KIN: variants seen among roughly 807,000 people sequenced by gnomAD.
The protein encoded by KIN is DNA/RNA-binding protein KIN17.
KIN carries 47 observed loss-of-function variants against 63.0 expected under a neutral mutation model. The ratio of observed to expected loss-of-function variants is 0.75; its 90% CI spans 0.59 to 0.95. The LOEUF (loss-of-function observed/expected upper bound fraction) is 0.95, where lower values mean the gene tolerates loss of function less well. KIN is among the 40% of genes least tolerant of loss of function. The pLI is 0.00. For missense variants in KIN, 408 were observed against 460.9 expected, an observed-to-expected ratio of 0.89 and a Z score of 1.05; for synonymous variants, 160 against 157.7, an observed-to-expected ratio of 1.01 and a Z score of -0.11.
intron 7 of KIN, among the ~76,000 whole-genome samples, chr10:7,771,192 T>C (rs555100444): frequency 7.8e-4 from 119 of 152,308 alleles, no homozygotes; most frequent in African/African-American, 2.8e-3. Flanking sequence ...TAGATTTAGG[T>C]GTACTTTGAA....
At chr10:7,771,702 G>A (rs1019910918) in intron 7 of KIN, among the ~76,000 whole-genome samples, 2 of 152,010 alleles carry the variant, frequency 1.3e-5, no homozygotes, top group Admixed American at 6.6e-5. Context: ...AGACCAGCCT[G>A]ACCAACATGG....
chr10:7,770,748 T>C (rs546463537), intron 7 of KIN, among the ~76,000 whole-genome samples: 1 of 152,310 alleles, frequency 6.6e-6, no homozygotes, highest in Admixed American at 6.5e-5. Flanking sequence ...CACAAAGCTA[T>C]CATGGAGCTA....
chr10:7,767,032 A>C (rs11594854), intron 8 of KIN, among the ~76,000 whole-genome samples: 50,889 of 147,646 alleles, frequency 0.34, 9,579 homozygotes, highest in Non-Finnish European at 0.43. Flanking sequence ...CAAAAAAAAA[A>C]AAAAAACCTC....
Position 7,783,146 on chromosome 10 carries a change from T to C in KIN, c.144A>G (p.Glu48=). The change falls in exon 2 of 13, where the codon GAA becomes GAG. Residue 48 remains glutamate, a synonymous_variant. Coordinates refer to ENST00000379562, the MANE Select transcript of KIN (RefSeq NM_012311.4). ...ENGFKCHCMS[E]SHQRQLLLAS... is the part of the protein sequence containing the mutation. ...CCAGCAATAGTTGTCTCTGATGAGA[T>C]TCGGACATACAATGACACTTAAAGC... 1 of 1,599,694 alleles carries C rather than the reference T, an allele frequency of 6.3e-7. No individual in the cohort carries two copies. Among genetic ancestry groups the C allele is most frequent in the Non-Finnish European group, 8.5e-7 (1 of 1,173,146 alleles).
rs1232557227 is a variant in KIN, at chr10:7,754,056, G to A, written c.*2024C>T. ...TGTAGAAGATCAACTCAGGCAAGGC[G>A]TGGTAGCTCACACCTGTAATCACAA... On this transcript the variant is annotated 3_prime_UTR_variant, in exon 13 of 13. Transcript: ENST00000379562. The A allele has an allele frequency of 1.8e-5, 8 of 455,880 alleles. No homozygotes were observed. The highest frequency in any genetic ancestry group is 1.4e-4 in the East Asian group (2 of 14,404). The allele number at this position is 455,880 out of a possible 1,614,324, so 28.2% of individuals were successfully genotyped here. A position where few individuals can be genotyped will look rare whatever the true frequency, so the allele number is the denominator to read the frequency against.
chr10:7,757,912 A>C (rs1835363215), intron 12 of KIN, among the ~76,000 whole-genome samples: 1 of 152,144 alleles, frequency 6.6e-6, no homozygotes, highest in African/African-American at 2.4e-5. Flanking sequence ...TATATGTATA[A>C]ATTTCAAATA....
chr10:7,770,954 A>G (rs1835655068), intron 7 of KIN, among the ~76,000 whole-genome samples: 1 of 152,108 alleles, frequency 6.6e-6, no homozygotes, highest in Non-Finnish European at 1.5e-5. Flanking sequence ...CTCTGTTTTT[A>G]TGGGGGTTGT....
intron 8 of KIN, among the ~76,000 whole-genome samples, chr10:7,768,299 C>T (rs1333069010): frequency 1.3e-5 from 2 of 152,156 alleles, no homozygotes; most frequent in South Asian, 2.1e-4. Flanking sequence ...GTAGGCAGAT[C>T]ATTTGAGATC....
Position 7,762,486 on chromosome 10 carries a change from G to A in KIN, c.989C>T (p.Thr330Ile). 2 of 1,610,778 alleles carry A rather than the reference G, an allele frequency of 1.2e-6. No individual in the cohort carries two copies. The highest frequency in any genetic ancestry group is 1.7e-6 in the Non-Finnish European group (2 of 1,177,598). ...TGCTGGAATTACTGTCTCTAAATGA[G>A]TCTGGTCAAGTTTCAGCTTGTCTCC... Reference protein sequence around the residue: ...DSGDKLKLDQTHLETVIPAPG... With the variant: ...DSGDKLKLDQIHLETVIPAPG... The change falls in exon 11 of 13, where the codon ACT becomes ATT. Residue 330 changes from threonine (T) to isoleucine (I), a missense_variant. Physicochemically the swap from Thr to Ile is moderately conservative, Grantham distance 89. Around this residue, in one of 2 missense-constraint regions of KIN, gnomAD observed 298 missense variants for 296.0 expected, o/e 1.01. Transcript: ENST00000379562.
chr10:7,780,955 T>C (rs1220150546), intron 2 of KIN, among the ~76,000 whole-genome samples: 2 of 152,186 alleles, frequency 1.3e-5, no homozygotes, highest in Non-Finnish European at 2.9e-5. Context: ...AGTCTATCTA[T>C]GACAACAAAA....
At chr10:7,786,195 G>A (rs532570788) in intron 1 of KIN, among the ~76,000 whole-genome samples, 25 of 152,274 alleles carry the variant, frequency 1.6e-4, no homozygotes, top group Non-Finnish European at 3.1e-4. Flanking sequence ...GCTTTTGATC[G>A]AATCTTGATT....
intron 1 of KIN, among the ~76,000 whole-genome samples, chr10:7,786,859 C>A (rs973570490): frequency 6.6e-6 from 1 of 152,198 alleles, no homozygotes; most frequent in Non-Finnish European, 1.5e-5. Context: ...CTTAATAGAA[C>A]TAAAGAGAGT....
chr10:7,776,481 G>A (rs1220079461), intron 5 of KIN, among the ~76,000 whole-genome samples: 1 of 151,414 alleles, frequency 6.6e-6, no homozygotes, highest in Non-Finnish European at 1.5e-5. Flanking sequence ...GGTGAGTGCT[G>A]CAGTGAGCGG....
At chr10:7,779,451 A>G (rs1419177012) in intron 4 of KIN, among the ~76,000 whole-genome samples, 2 of 152,136 alleles carry the variant, frequency 1.3e-5, no homozygotes, top group Admixed American at 1.3e-4. Flanking sequence ...AACACATTCA[A>G]ATACACAAAT....
chr10:7,781,587 T>TACACACACACACACACACAC (rs3036327), intron 2 of KIN, among the ~76,000 whole-genome samples: 51 of 140,718 alleles, frequency 3.6e-4, no homozygotes, highest in African/African-American at 1.4e-3. Flanking sequence ...ACCCTGTCTC[T>TACACACACACACACACACAC]ACACACACAC....
At position 7,760,973 on chromosome 10, in the gene KIN, C is replaced by T. The variant is rs75778711; in HGVS notation, c.1019-983G>A. ...AGTAGCCAGACCAGAAAACAGGACA[C>T]ATTTATATTTATAGAAACTTAATTT... On this transcript the variant is annotated intron_variant, in intron 11 of 12. Coordinates refer to ENST00000379562, the MANE Select transcript of KIN (RefSeq NM_012311.4). Among the ~76,000 whole-genome samples the T allele has an allele frequency of 5.8e-3, 886 of 152,206 alleles. 9 individuals carry two copies. The highest frequency in any genetic ancestry group is 0.019 in the African/African-American group (774 of 41,522).
At chr10:7,765,788 C>A (rs1478301923) in intron 9 of KIN, among the ~76,000 whole-genome samples, 1 of 152,146 alleles carries the variant, frequency 6.6e-6, no homozygotes, top group African/African-American at 2.4e-5. Context: ...TTGAAAATTC[C>A]TGGCTCAAAT....
chr10:7,772,956 T>C (rs1835696877), intron 7 of KIN, among the ~76,000 whole-genome samples: 1 of 152,202 alleles, frequency 6.6e-6, no homozygotes, highest in African/African-American at 2.4e-5. Flanking sequence ...GAGCTTGGCC[T>C]GGATTATCAA....
chr10:7,781,381 G>C (rs988835226), intron 2 of KIN, among the ~76,000 whole-genome samples: 1 of 152,152 alleles, frequency 6.6e-6, no homozygotes, highest in Non-Finnish European at 1.5e-5. Context: ...CCAAAATAAG[G>C]TTTGGCTAAT....
Sources: allele counts gnomAD v4.1 joint callset (sites outside exome capture counted in the v4.1 genomes callset), GRCh38; gene constraint gnomAD v4.1.1; regional missense constraint gnomAD v4.1.1; transcripts MANE v1.5; gene names NCBI Gene and HGNC (gene_info 2026-07-23, HGNC 2026-07-21).